Variants in CAMTA1 observed in about 807,000 individuals in gnomAD.
The protein encoded by CAMTA1 is calmodulin binding transcription activator 1.
In CAMTA1, 27 loss-of-function variants were observed where a neutral mutation model predicts 170.9. The ratio of observed to expected loss-of-function variants is 0.16; its 90% CI spans 0.12 to 0.22. The LOEUF is 0.22. Ranked by LOEUF, CAMTA1 falls within the 10% of genes least tolerant of loss-of-function variation. The probability of loss-of-function intolerance (pLI) is 1.00; values close to 1 mark genes in which losing one functional copy is unlikely to be tolerated. For synonymous variants in CAMTA1, 833 were observed against 891.5 expected, an observed-to-expected ratio of 0.93 and a Z score of 1.17; for missense variants, 1,619 against 2,217.2, an observed-to-expected ratio of 0.73 and a Z score of 5.42.
chr1:7,241,638 T>C (rs905555320), intron 4 of CAMTA1, among the ~76,000 whole-genome samples: 11 of 152,214 alleles, frequency 7.2e-5, no homozygotes, highest in African/African-American at 2.7e-4. Flanking sequence ...TAAAATCATA[T>C]GTTTATGGTC....
At chr1:6,832,363 C>T (rs1254554660) in intron 3 of CAMTA1, among the ~76,000 whole-genome samples, 1 of 152,156 alleles carries the variant, frequency 6.6e-6, no homozygotes, top group East Asian at 1.9e-4. Context: ...AGGTGTGAGC[C>T]ACTGTGCCTG....
At chr1:6,803,063 T>C (rs2148231293) in intron 1 of CAMTA1, among the ~76,000 whole-genome samples, 1 of 152,304 alleles carries the variant, frequency 6.6e-6, no homozygotes, top group African/African-American at 2.4e-5. Flanking sequence ...AACTTTTTCT[T>C]TGAATAGTGG....
intron 7 of CAMTA1, among the ~76,000 whole-genome samples, chr1:7,656,275 T>A (rs2095902447): frequency 6.6e-6 from 1 of 152,182 alleles, no homozygotes; most frequent in African/African-American, 2.4e-5. Flanking sequence ...AGGCTGGAAG[T>A]CCAAGATTAA....
At chr1:7,448,957 A>G (rs1193804558) in intron 5 of CAMTA1, among the ~76,000 whole-genome samples, 1 of 152,234 alleles carries the variant, frequency 6.6e-6, no homozygotes, top group African/African-American at 2.4e-5. Context: ...CACAGGTGGA[A>G]ATGGCTCCAA....
intron 5 of CAMTA1, among the ~76,000 whole-genome samples, chr1:7,260,139 C>T (rs184801922): frequency 6.6e-6 from 1 of 152,264 alleles, no homozygotes; most frequent in East Asian, 1.9e-4. Flanking sequence ...TGGCTGTGTT[C>T]CAATAAAACT....
At chr1:7,147,082 AACAC>A (rs961499313) in intron 4 of CAMTA1, among the ~76,000 whole-genome samples, 10 of 151,296 alleles carry the variant, frequency 6.6e-5, no homozygotes, top group Non-Finnish European at 1.3e-4. Context: ...TGCACACAAA[AACAC>A]ACTCATGTAC....
intron 3 of CAMTA1, among the ~76,000 whole-genome samples, chr1:6,997,498 C>T (rs1377855183): frequency 3.9e-5 from 6 of 151,982 alleles, no homozygotes; most frequent in Admixed American, 1.3e-4. Flanking sequence ...TTCGGGCAGC[C>T]TCTCAATTTC....
intron 5 of CAMTA1, among the ~76,000 whole-genome samples, chr1:7,438,176 C>T (rs200734635): frequency 3.5e-4 from 53 of 152,204 alleles, no homozygotes; most frequent in East Asian, 2.5e-3. Context: ...ACCCCAGCTG[C>T]GGCCCATAGG....
chr1:6,886,546 G>C (rs1384135217), intron 3 of CAMTA1, among the ~76,000 whole-genome samples: 1 of 152,194 alleles, frequency 6.6e-6, no homozygotes. Context: ...AAAGTCACTG[G>C]CCTCTGCGCA....
chr1:7,572,005 C>A (rs1198986355), intron 6 of CAMTA1, among the ~76,000 whole-genome samples: 1 of 152,052 alleles, frequency 6.6e-6, no homozygotes. Flanking sequence ...CATCTGTTAC[C>A]TTTTGATTTT....
At chr1:7,491,342 G>A (rs761184656) in intron 6 of CAMTA1, among the ~76,000 whole-genome samples, 51 of 152,282 alleles carry the variant, frequency 3.3e-4, no homozygotes, top group Non-Finnish European at 6.2e-4. Context: ...CCCCCACCTG[G>A]TGATTTCACA....
chr1:7,343,628 C>T (rs1386052650), intron 5 of CAMTA1, among the ~76,000 whole-genome samples: 1 of 152,188 alleles, frequency 6.6e-6, no homozygotes, highest in African/African-American at 2.4e-5. Flanking sequence ...ACGGGCTCTT[C>T]TCTGTCCCTC....
intron 5 of CAMTA1, among the ~76,000 whole-genome samples, chr1:7,420,284 C>T (rs845254): frequency 0.72 from 101,791 of 140,456 alleles, 34,732 homozygotes; most frequent in Non-Finnish European, 0.78. Context: ...TCCATCACCC[C>T]AGCGGAGAGA....
At chr1:7,002,933 G>A (rs11120813) in intron 3 of CAMTA1, among the ~76,000 whole-genome samples, 50,476 of 152,082 alleles carry the variant, frequency 0.33, 8,431 homozygotes, top group Admixed American at 0.35. Flanking sequence ...TCAGCACAGA[G>A]GACAGCGCAA....
At chr1:7,644,011 C>T (rs35866599) in intron 7 of CAMTA1, among the ~76,000 whole-genome samples, 7,949 of 152,324 alleles carry the variant, frequency 0.052, 294 homozygotes, top group Middle Eastern at 0.085. Flanking sequence ...CCCATTTTCA[C>T]ATAAATCGCG....
At chr1:6,983,960 G>C (rs957639557) in intron 3 of CAMTA1, among the ~76,000 whole-genome samples, 21 of 141,088 alleles carry the variant, frequency 1.5e-4, no homozygotes, top group Non-Finnish European at 2.8e-4. Flanking sequence ...GGTTGGGGGT[G>C]GATAAATGGT....
chr1:7,522,898 C>T (rs563284900), intron 6 of CAMTA1, among the ~76,000 whole-genome samples: 6 of 152,306 alleles, frequency 3.9e-5, no homozygotes, highest in African/African-American at 1.4e-4. Context: ...AGGAGCTTCG[C>T]TCTTGTTGCC....
rs1022495062 is a variant in CAMTA1, at chr1:7,565,754, C to G, written c.511-74646C>G. ...GTCCTCGTGTCTTAGTCTACTCAGG[C>G]TGCCATGACAAAATACCATAGACCG... On this transcript the variant is annotated intron_variant, in intron 6 of 22. Transcript: ENST00000303635. This position sits in a 1 kb window ranked among gnomAD's most constrained non-coding sequence, Gnocchi z 4.5. 6.6e-6 allele frequency among the ~76,000 whole-genome samples: 1 copy of G among 152,170 alleles called. No individual in the cohort carries two copies. Among genetic ancestry groups the G allele is most frequent in the African/African-American group, 2.4e-5 (1 of 41,436 alleles).
chr1:7,263,285 A>G (rs936783360), intron 5 of CAMTA1, among the ~76,000 whole-genome samples: 1 of 152,236 alleles, frequency 6.6e-6, no homozygotes, highest in Admixed American at 6.5e-5. Flanking sequence ...TCTGTTTTTT[A>G]TACTTTCTTT....
Sources: allele counts gnomAD v4.1 joint callset (sites outside exome capture counted in the v4.1 genomes callset), GRCh38; gene constraint gnomAD v4.1.1; non-coding constraint Gnocchi (gnomAD v3.1); transcripts MANE v1.5; gene names NCBI Gene and HGNC (gene_info 2026-07-23, HGNC 2026-07-21).